The following ZEB1 variants were observed in gnomAD, a reference collection of about 807,000 sequenced individuals.
The protein encoded by ZEB1 is zinc finger E-box-binding homeobox 1.
Under a neutral mutation model 84.9 loss-of-function variants are expected in ZEB1, and 21 were observed. That is an observed-to-expected ratio of 0.25 (90% CI 0.18 to 0.36). The LOEUF is 0.36. ZEB1 is among the 10% of genes least tolerant of loss of function. The pLI, the probability that ZEB1 is intolerant of heterozygous loss-of-function variation, is 1.00. For synonymous variants in ZEB1, 420 were observed against 471.1 expected (o/e 0.89, Z 1.41); for missense variants, 1,104 against 1,330.2 (o/e 0.83, Z 2.65).
chr10:31,421,441 T>C (rs561521763), intron 1 of ZEB1, among the ~76,000 whole-genome samples: 3 of 152,288 alleles, frequency 2.0e-5, no homozygotes, highest in East Asian at 3.9e-4. Context: ...AATTCAACCA[T>C]CTGCTATCTA....
intron 1 of ZEB1, among the ~76,000 whole-genome samples, chr10:31,442,571 A>AT (rs2059161386): frequency 2.6e-5 from 4 of 151,896 alleles, no homozygotes; most frequent in East Asian, 3.9e-4. Context: ...TAATAATAAA[A>AT]AAAAAAGAAA....
intron 1 of ZEB1, among the ~76,000 whole-genome samples, chr10:31,451,405 T>A (rs894699557): frequency 6.6e-6 from 1 of 152,210 alleles, no homozygotes; most frequent in African/African-American, 2.4e-5. Flanking sequence ...GACTGATATA[T>A]CAATTACATG....
chr10:31,487,619 C>T (rs1046259725), intron 2 of ZEB1, among the ~76,000 whole-genome samples: 4 of 151,202 alleles, frequency 2.6e-5, no homozygotes, highest in African/African-American at 4.8e-5. Flanking sequence ...TTCTTCCTTT[C>T]TAATGTGTAT....
At chr10:31,482,476 A>G (rs1356342152) in intron 2 of ZEB1, among the ~76,000 whole-genome samples, 1 of 151,648 alleles carries the variant, frequency 6.6e-6, no homozygotes, top group Non-Finnish European at 1.5e-5. Flanking sequence ...TGGGCCAGAA[A>G]AAAAAAAAAA....
intron 1 of ZEB1, among the ~76,000 whole-genome samples, chr10:31,334,127 GA>G (rs1390233973): frequency 6.6e-6 from 1 of 151,836 alleles, no homozygotes; most frequent in Non-Finnish European, 1.5e-5. Flanking sequence ...AGAACAAGCA[GA>G]AAAAAATTAA....
intron 1 of ZEB1, among the ~76,000 whole-genome samples, chr10:31,390,857 G>A (rs150948250): frequency 5.3e-5 from 8 of 152,078 alleles, no homozygotes; most frequent in East Asian, 3.8e-4. Context: ...ACATCTTTCC[G>A]TTTTCATTCT....
chr10:31,423,323 G>C (rs2056470817), intron 1 of ZEB1, among the ~76,000 whole-genome samples: 1 of 152,046 alleles, frequency 6.6e-6, no homozygotes, highest in African/African-American at 2.4e-5. Flanking sequence ...TGTTTAAAAA[G>C]TATGTCTTAT....
intron 1 of ZEB1, among the ~76,000 whole-genome samples, chr10:31,426,734 A>G (rs918136126): frequency 6.6e-6 from 1 of 152,012 alleles, no homozygotes; most frequent in Non-Finnish European, 1.5e-5. Flanking sequence ...TTTACCCTCT[A>G]CCTAAACAAA....
chr10:31,394,108 A>G lies in ZEB1; in HGVS notation c.59-66929A>G, dbSNP rs114133324. Among the ~76,000 whole-genome samples the G allele has an allele frequency of 9.1e-3, 1,389 of 152,310 alleles. 13 individuals carry two copies. The highest frequency in any genetic ancestry group is 0.031 in the African/African-American group (1,298 of 41,568). ...ATCTGAGGTCAGAAAACAAAACTAC[A>G]ATCTATTTCAGGTTGCACAAATGAA... is the stretch of plus-strand genomic sequence containing the variant. On this transcript the variant is annotated intron_variant, in intron 1 of 8. Coordinates refer to ENST00000424869, the MANE Select transcript of ZEB1 (RefSeq NM_001174096.2).
intron 2 of ZEB1, among the ~76,000 whole-genome samples, chr10:31,479,587 T>C (rs1277698742): frequency 6.6e-6 from 1 of 151,836 alleles, no homozygotes; most frequent in East Asian, 1.9e-4. Context: ...GCAAGAATGG[T>C]TTAACCTATG....
At chr10:31,524,321 C>A (rs1239756160) in intron 8 of ZEB1, among the ~76,000 whole-genome samples, 1 of 151,934 alleles carries the variant, frequency 6.6e-6, no homozygotes, top group Admixed American at 6.6e-5. Flanking sequence ...CGGGCTCAAG[C>A]CATCCTTTCA....
chr10:31,506,752 TTA>T (rs1004470521), intron 4 of ZEB1, among the ~76,000 whole-genome samples: 64 of 152,240 alleles, frequency 4.2e-4, no homozygotes, highest in African/African-American at 1.4e-3. Context: ...TTTAATCCGT[TTA>T]TGTTATTATT....
intron 1 of ZEB1, chr10:31,321,339 TA>T (rs1239630119): frequency 6.9e-7 from 1 of 1,459,304 alleles, no homozygotes; most frequent in Non-Finnish European, 9.1e-7. Flanking sequence ...ATTATTCAAA[TA>T]AACACTTGCA....
In ZEB1 at chr10:31,526,743, C is replaced by T; in HGVS notation, c.2857C>T (p.Arg953Ter). ...CAAACATCATTTGATTGAACACATG[C>T]GATTACATTCTGGAGAAAAGCCCTA... ...KHKHHLIEHM[R>*]LHSGEKPYQC... is the part of the protein sequence containing the mutation. Residue 953 changes from arginine (R) to a stop codon, truncating the protein, a stop_gained, in exon 9 of 9, where the codon CGA becomes TGA. Coordinates refer to ENST00000424869, the MANE Select transcript of ZEB1 (RefSeq NM_001174096.2). LOFTEE classifies it low-confidence loss of function (END_TRUNC). 1 of 1,614,006 alleles carries T rather than the reference C, an allele frequency of 6.2e-7. No individual in the cohort carries two copies. The highest frequency in any genetic ancestry group is 8.5e-7 in the Non-Finnish European group (1 of 1,180,000).
At chr10:31,343,655 GT>G (rs2039789546) in intron 1 of ZEB1, among the ~76,000 whole-genome samples, 1 of 152,056 alleles carries the variant, frequency 6.6e-6, no homozygotes, top group African/African-American at 2.4e-5. Flanking sequence ...TATAAAATGT[GT>G]TTGTATAATG....
chr10:31,378,854 G>A (rs2047146564), intron 1 of ZEB1, among the ~76,000 whole-genome samples: 1 of 152,010 alleles, frequency 6.6e-6, no homozygotes. Flanking sequence ...TGGTGGATGT[G>A]CAGGTGGTAG....
intron 6 of ZEB1, 148 bp downstream of exon 6, chr10:31,514,856 T>C (rs560269379): frequency 1.1e-4 from 72 of 657,234 alleles, no homozygotes; most frequent in Middle Eastern, 8.5e-4. Context: ...ATGTTTATTT[T>C]ATGTTTTATT....
chr10:31,339,427 T>C (rs763848328), intron 1 of ZEB1, among the ~76,000 whole-genome samples: 3 of 152,190 alleles, frequency 2.0e-5, no homozygotes, highest in Non-Finnish European at 2.9e-5. Flanking sequence ...TATTTACTTT[T>C]AAATAAAAAG....
At chr10:31,422,504 T>C (rs889717912) in intron 1 of ZEB1, among the ~76,000 whole-genome samples, 1 of 152,104 alleles carries the variant, frequency 6.6e-6, no homozygotes, top group East Asian at 1.9e-4. Context: ...CCAAAGACCC[T>C]TACCTGGTTT....
Sources: allele counts gnomAD v4.1 joint callset (sites outside exome capture counted in the v4.1 genomes callset), GRCh38; gene constraint gnomAD v4.1.1; transcripts MANE v1.5; gene names NCBI Gene and HGNC (gene_info 2026-07-23, HGNC 2026-07-21).